CDK12: variants seen among roughly 807,000 people sequenced by gnomAD.
CDK12 encodes the protein cyclin-dependent kinase 12.
CDK12 carries 17 observed loss-of-function variants against 133.8 expected under a neutral mutation model. The ratio of observed to expected loss-of-function variants is 0.13; its 90% CI spans 0.09 to 0.19. The LOEUF (loss-of-function observed/expected upper bound fraction) is 0.19. CDK12 is among the 10% of genes least tolerant of loss of function. CDK12 has a pLI of 1.00. For missense variants in CDK12, 1,508 were observed against 1,818.7 expected (o/e 0.83, Z 3.11); for synonymous variants, 694 against 683.6 (o/e 1.02, Z -0.24).
At chr17:39,552,682 C>T (rs2056000758) in intron 2 of CDK12, among the ~76,000 whole-genome samples, 1 of 152,166 alleles carries the variant, frequency 6.6e-6, no homozygotes, top group Non-Finnish European at 1.5e-5. Flanking sequence ...ACAGAGCCTC[C>T]TTTCTTGTAA....
In CDK12 at chr17:39,462,177, C is replaced by G; in HGVS notation, c.106C>G (p.His36Asp). ...GGGSSNSRERHRLVSKHKRHK... is the reference protein window; with the variant it reads ...GGGSSNSRERDRLVSKHKRHK... ...CGGCAGCTCTAACAGCAGAGAGCGT[C>G]ACCGCTTGGTATCGAAGCACAAGCG... Residue 36 changes from histidine (H) to aspartate (D), a missense_variant, in exon 1 of 14, where the codon CAC becomes GAC. His to Asp is a moderately conservative substitution (Grantham distance 81). Coordinates refer to ENST00000447079, the MANE Select transcript of CDK12 (RefSeq NM_016507.4). 6.2e-7 allele frequency: 1 copy of G among 1,614,216 alleles called. No individual in the cohort carries two copies.
chr17:39,538,709 T>G (rs1598213843), downstream of CDK12, among the ~76,000 whole-genome samples: 1 of 152,236 alleles, frequency 6.6e-6, no homozygotes, highest in African/African-American at 2.4e-5. Flanking sequence ...CCATTCTGGC[T>G]TACACGGTGA....
chr17:39,465,206 A>T (rs1276038255), intron 1 of CDK12, among the ~76,000 whole-genome samples: 1 of 144,036 alleles, frequency 6.9e-6, no homozygotes, highest in Admixed American at 7.2e-5. Context: ...AGATCGTGCC[A>T]TTGCACTCCA....
At chr17:39,510,605 TCTCTTCTC>T (rs982392265) in intron 7 of CDK12, among the ~76,000 whole-genome samples, 2 of 151,382 alleles carry the variant, frequency 1.3e-5, no homozygotes, top group Non-Finnish European at 1.5e-5. Flanking sequence ...TCTCTTCTCT[TCTCTTCTC>T]CTCCTTTTTC....
intron 2 of CDK12, among the ~76,000 whole-genome samples, chr17:39,477,289 G>T (rs1347521793): frequency 2.0e-5 from 3 of 151,970 alleles, no homozygotes; most frequent in Non-Finnish European, 2.9e-5. Context: ...AGGCTGGAGT[G>T]TAGTGGCGCG....
intron 2 of CDK12, among the ~76,000 whole-genome samples, chr17:39,484,087 G>A (rs910523352): frequency 3.3e-5 from 5 of 152,068 alleles, no homozygotes; most frequent in Admixed American, 1.3e-4. Context: ...TAAGTGATAT[G>A]CCTACCTCGG....
rs533088919 is a variant in CDK12, at chr17:39,509,444, G to T, written c.2610-261G>T. Among the ~76,000 whole-genome samples, 1,366 of 150,902 alleles carry T rather than the reference G, an allele frequency of 9.1e-3. 15 individuals are homozygous for T. Among genetic ancestry groups the T allele is most frequent in the African/African-American group, 0.031 (1,291 of 41,200 alleles). On this transcript the variant is annotated intron_variant, in intron 6 of 13. Transcript: ENST00000447079. ...GAAAATGTAATAATAGTTTTTTTTTGTTTTTTAAGTGTAAGGCATTATAAT... is the reference window on the plus strand; with the variant it reads ...GAAAATGTAATAATAGTTTTTTTTTTTTTTTTAAGTGTAAGGCATTATAAT...
intron 8 of CDK12, among the ~76,000 whole-genome samples, chr17:39,513,531 T>C (rs978360949): frequency 1.2e-4 from 18 of 152,214 alleles, no homozygotes; most frequent in African/African-American, 4.3e-4. Flanking sequence ...AACTAGGCTC[T>C]AAAGTTAACG....
chr17:39,518,363 C>T (rs560031461), intron 10 of CDK12, among the ~76,000 whole-genome samples: 2 of 150,922 alleles, frequency 1.3e-5, no homozygotes, highest in Non-Finnish European at 3.0e-5. Context: ...GATAGGGTCT[C>T]CTAATGTTGC....
At chr17:39,560,818 C>A (rs923129485) in intron 3 of CDK12, among the ~76,000 whole-genome samples, 1 of 152,214 alleles carries the variant, frequency 6.6e-6, no homozygotes, top group Non-Finnish European at 1.5e-5. Context: ...AGTTTGAGAC[C>A]AGCCTGGCCA....
In CDK12 at chr17:39,532,838, T is replaced by G. The variant is rs1245809270; in HGVS notation, c.*1522T>G. The G allele has an allele frequency of 8.6e-6, 2 of 232,850 alleles. No homozygotes were observed. The highest frequency in any genetic ancestry group is 1.7e-5 in the Non-Finnish European group (2 of 117,804). 14.4% of individuals were successfully genotyped at this position (232,850 alleles called of 1,614,324 possible). A position where few individuals can be genotyped will look rare whatever the true frequency, so the allele number is the denominator to read the frequency against. On this transcript the variant is annotated 3_prime_UTR_variant, in exon 14 of 14. Transcript: ENST00000447079. ...ATTTGGGAGGCTTCTCATTCTGGCT[T>G]CTATTTCTATGTGAGTACCAGCATA...
At chr17:39,468,994 A>G (rs927144537) in intron 1 of CDK12, among the ~76,000 whole-genome samples, 1 of 151,668 alleles carries the variant, frequency 6.6e-6, no homozygotes, top group Admixed American at 6.6e-5. Flanking sequence ...ACACCCAGCT[A>G]ATTTTTGTAT....
chr17:39,542,949 C>T (rs1435143202), upstream of CDK12, among the ~76,000 whole-genome samples: 1 of 152,188 alleles, frequency 6.6e-6, no homozygotes, highest in Non-Finnish European at 1.5e-5. Context: ...CTTCAAAGAG[C>T]ATTTTGCAAC....
At chr17:39,497,414 G>A (rs2052213363) in intron 5 of CDK12, among the ~76,000 whole-genome samples, 2 of 151,758 alleles carry the variant, frequency 1.3e-5, no homozygotes, top group South Asian at 4.2e-4. Flanking sequence ...ATGGTGCTGG[G>A]CACTTTTAAT....
chr17:39,536,948 G>A (rs1425612330), downstream of CDK12, among the ~76,000 whole-genome samples: 1 of 152,194 alleles, frequency 6.6e-6, no homozygotes, highest in African/African-American at 2.4e-5. Flanking sequence ...CCTGTAAATG[G>A]ATGGACTTTT....
chr17:39,503,331 C>T (rs1163193641), intron 6 of CDK12, among the ~76,000 whole-genome samples: 3 of 152,116 alleles, frequency 2.0e-5, no homozygotes, highest in African/African-American at 4.8e-5. Context: ...ACTTGGCCTC[C>T]CAAAGTCCTG....
downstream of CDK12, among the ~76,000 whole-genome samples, chr17:39,538,504 A>G (rs2055246672): frequency 6.6e-6 from 1 of 152,226 alleles, no homozygotes; most frequent in Non-Finnish European, 1.5e-5. Context: ...AAGGGAACTA[A>G]CATTGTTGGG....
intron 1 of CDK12, 86 bp from the exon 2 acceptor site, chr17:39,470,793 G>T: frequency 8.8e-7 from 1 of 1,135,334 alleles, no homozygotes; most frequent in South Asian, 1.6e-5. Flanking sequence ...ATAAGTTACA[G>T]TTCTTCATAG....
downstream of CDK12, among the ~76,000 whole-genome samples, chr17:39,538,855 C>T (rs1022213843): frequency 4.6e-5 from 7 of 152,030 alleles, no homozygotes; most frequent in South Asian, 2.1e-4. Context: ...GTGAAGATTG[C>T]GCCACTTCAC....
Sources: gnomAD v4.1 joint callset for allele counts (sites outside exome capture counted in the v4.1 genomes callset) on GRCh38, gnomAD v4.1.1 for gene constraint, MANE v1.5 for transcripts, NCBI Gene and HGNC (gene_info 2026-07-23, HGNC 2026-07-21) for gene names.